The following CAPN15 variants were observed in gnomAD, a reference collection of about 807,000 sequenced individuals.
The protein encoded by CAPN15 is calpain 15.
In CAPN15, 53 loss-of-function variants were observed where a neutral mutation model predicts 97.9. The observed-to-expected ratio is 0.54, with a 90% CI of 0.43 to 0.68. The LOEUF is 0.68. Among genes scored for constraint, CAPN15 ranks in the 30% least tolerant of loss-of-function variants. The probability of loss-of-function intolerance (pLI) is 0.00; values close to 1 mark genes in which losing one functional copy is unlikely to be tolerated. For missense variants in CAPN15, 1,592 were observed against 1,589.8 expected, an observed-to-expected ratio of 1.00 and a Z score of -0.02; for synonymous variants, 922 against 722.5, an observed-to-expected ratio of 1.28 and a Z score of -4.43.
Position 547,826 on chromosome 16 carries a change from C to T in CAPN15, c.988C>T (p.Arg330Cys), listed in dbSNP as rs770511000. ...DIIDLAGDTV[R>C]YTPASPSSPD... ...CATTGACCTGGCCGGAGACACCGTG[C>T]GTTACACGCCCGCCAGCCCCTCCAG... is the stretch of plus-strand genomic sequence containing the variant. The change falls in exon 4 of 14, where the codon CGT becomes TGT. Residue 330 changes from arginine (R) to cysteine (C), a missense_variant. By Grantham distance (180) the Arg-to-Cys change is radical. Transcript: ENST00000219611. The T allele has an allele frequency of 9.3e-6, 15 of 1,610,636 alleles. No homozygotes were observed. Among genetic ancestry groups the T allele is most frequent in the East Asian group, 2.2e-5 (1 of 44,738 alleles).
At chr16:546,028 C>T (rs528420761) in intron 3 of CAPN15, among the ~76,000 whole-genome samples, 9 of 152,358 alleles carry the variant, frequency 5.9e-5, no homozygotes, top group East Asian at 1.9e-4. Context: ...AGCAGATTCC[C>T]GGCCTTGGGT....
Position 552,976 on chromosome 16 carries a change from C to T in CAPN15, c.3018C>T (p.Asp1006=), listed in dbSNP as rs764981183. 2.9e-5 allele frequency: 46 copies of T among 1,611,688 alleles called. No individual in the cohort carries two copies. The South Asian group carries it at 3.7e-4, about 13-fold the overall frequency. Residue 1006 remains aspartate (D), a synonymous_variant, in exon 13 of 14, where the codon GAC becomes GAT. Transcript: ENST00000219611. This position sits in a 1 kb window ranked among gnomAD's most constrained non-coding sequence, Gnocchi z 6.4. ...AYLHVQCDCT[D]SFNVVSTRGS... ...TGCACGTGCAGTGTGACTGCACCGA[C>T]AGCTTCAACGTGGTGTCCACACGCG...
Position 537,251 on chromosome 16 carries a change from C to T in CAPN15, c.-23+1109C>T, listed in dbSNP as rs1261226188. ...CAGGGTCAGTTGCCTGAGACTGGCT[C>T]CAGCTCAAGAAAGGTTTTCTGAGTG... is the stretch of plus-strand genomic sequence containing the variant. On this transcript the variant is annotated intron_variant, in intron 3 of 13. Coordinates refer to ENST00000219611, the MANE Select transcript of CAPN15 (RefSeq NM_005632.3). 5 of 985,432 alleles carry T rather than the reference C, an allele frequency of 5.1e-6. No homozygotes were observed. The East Asian group carries it at 3.4e-4, about 67-fold the overall frequency. The allele number at this position is 985,432 out of a possible 1,614,324, so 61.0% of individuals were successfully genotyped here.
In CAPN15 at chr16:546,989, G is replaced by C. The variant is rs369295076; in HGVS notation, c.151G>C (p.Ala51Pro). 11 of 1,609,958 alleles carry C rather than the reference G, an allele frequency of 6.8e-6. No individual in the cohort carries two copies. The highest frequency in any genetic ancestry group is 9.3e-6 in the Non-Finnish European group (11 of 1,179,878). ...LSVEEQKWPCARCTFRNFLGK... is the reference protein window; with the variant it reads ...LSVEEQKWPCPRCTFRNFLGK... ...CGTGGAGGAGCAGAAATGGCCCTGC[G>C]CCCGCTGCACCTTCCGCAACTTCCT... Residue 51 changes from alanine (A) to proline (P), a missense_variant, in exon 4 of 14, where the codon GCC becomes CCC. By Grantham distance (27) the Ala-to-Pro change is conservative. Around this residue, in one of 3 missense-constraint regions of CAPN15, gnomAD observed 883 missense variants for 776.6 expected, o/e 1.14. Coordinates refer to ENST00000219611, the MANE Select transcript of CAPN15 (RefSeq NM_005632.3).
intron 3 of CAPN15, among the ~76,000 whole-genome samples, chr16:542,214 C>T (rs1295272587): frequency 6.6e-6 from 1 of 152,250 alleles, no homozygotes; most frequent in African/African-American, 2.4e-5. Context: ...GGACTGCTTC[C>T]ACGTGGCTTC....
At chr16:534,270 G>A (rs924583289) in intron 2 of CAPN15, among the ~76,000 whole-genome samples, 3 of 152,116 alleles carry the variant, frequency 2.0e-5, no homozygotes, top group Admixed American at 2.0e-4. Flanking sequence ...CCTGTGCTGT[G>A]GCCCCGGCCC....
chr16:537,058 T>C (rs2033785418), intron 3 of CAPN15: 1 of 838,510 alleles, frequency 1.2e-6, no homozygotes, highest in Non-Finnish European at 1.4e-6. Flanking sequence ...TGGCGTGTGC[T>C]GGAAAAACCC....
intron 7 of CAPN15, among the ~76,000 whole-genome samples, chr16:550,104 C>T (rs1041406445): frequency 1.5e-5 from 2 of 131,682 alleles, no homozygotes; most frequent in African/African-American, 4.5e-5. Context: ...CAGGTGTGAG[C>T]GGCGTGTCGA....
chr16:544,307 T>C (rs986183986), intron 3 of CAPN15, among the ~76,000 whole-genome samples: 4 of 151,252 alleles, frequency 2.6e-5, no homozygotes, highest in African/African-American at 9.7e-5. Context: ...TGGGCACAGG[T>C]TGCGGGGCTG....
At position 552,131 on chromosome 16, in the gene CAPN15, C is replaced by T. The variant is rs1263805214; in HGVS notation, c.2426C>T (p.Ala809Val). The T allele has an allele frequency of 1.9e-6, 3 of 1,548,020 alleles. No homozygotes were observed. Among genetic ancestry groups the T allele is most frequent in the Admixed American group, 2.0e-5 (1 of 50,916 alleles). The change falls in exon 10 of 14, where the codon GCC becomes GTC. Residue 809 changes from alanine to valine, a missense_variant. Coordinates refer to ENST00000219611, the MANE Select transcript of CAPN15 (RefSeq NM_005632.3). This position sits in a 1 kb window ranked among gnomAD's most constrained non-coding sequence, Gnocchi z 6.4. Reference protein sequence around the residue: ...ARVQGCFPSSASAPVGVTALT... With the variant: ...ARVQGCFPSSVSAPVGVTALT... ...GTGCAGGGCTGCTTTCCCAGCTCGG[C>T]CAGCGCGCCCGTGGGGGTAACAGCG...
rs763735435 is a variant in CAPN15, at chr16:549,053, G to A, written c.1510G>A (p.Ala504Thr). The A allele has an allele frequency of 1.5e-5, 24 of 1,612,606 alleles. No individual in the cohort carries two copies. Among genetic ancestry groups the A allele is most frequent in the South Asian group, 9.9e-5 (9 of 91,096 alleles). The stretch of plus-strand genomic sequence containing the variant: ...CGGGCCCGAGTCTGTCGGCTTCCCC[G>A]CGGGTGACAGCGTGCAGCAGCGTGT... Reference protein sequence around the residue: ...PPGPESVGFPAGDSVQQRVRQ... With the variant: ...PPGPESVGFPTGDSVQQRVRQ... The change falls in exon 5 of 14, where the codon GCG becomes ACG. Residue 504 changes from alanine (A) to threonine (T), a missense_variant. Around this residue, in one of 3 missense-constraint regions of CAPN15, gnomAD observed 883 missense variants for 776.6 expected, o/e 1.14. Transcript: ENST00000219611.
chr16:544,766 CCTCCCCCACGTCGT>C (rs1184781158), intron 3 of CAPN15, among the ~76,000 whole-genome samples: 40 of 50,770 alleles, frequency 7.9e-4, no homozygotes, highest in East Asian at 4.8e-3. Context: ...CCCCACGTCG[CCTCCCCCACGTCGT>C]CTCCCCCACG....
rs1021582128 is a variant in CAPN15, at chr16:540,164, T to C, written c.-23+4022T>C. ...GGCCAGAGGTGACCAGGTCCGGCTC[T>C]CAGCACGGCCGCCGGCCGGGGGGCC... On this transcript the variant is annotated intron_variant, in intron 3 of 13. Coordinates refer to ENST00000219611, the MANE Select transcript of CAPN15 (RefSeq NM_005632.3). The C allele has an allele frequency of 2.1e-5, 21 of 985,270 alleles. 1 individual carries two copies. In the South Asian group the frequency reaches 3.8e-4, roughly 18 times the overall value. The allele number at this position is 985,270 out of a possible 1,614,324, so 61.0% of individuals were successfully genotyped here.
chr16:532,953 G>C (rs1251485861), intron 1 of CAPN15, among the ~76,000 whole-genome samples: 4 of 152,010 alleles, frequency 2.6e-5, no homozygotes, highest in African/African-American at 9.7e-5. Context: ...GGGCATGGTG[G>C]CTCATGCCTG....
chr16:528,732 C>G (rs950140764), intron 1 of CAPN15: 2 of 985,300 alleles, frequency 2.0e-6, no homozygotes, highest in Non-Finnish European at 2.4e-6. Context: ...TAACAAGACC[C>G]GGAAAGCAAT....
At chr16:540,890 C>T (rs188007000) in intron 3 of CAPN15, among the ~76,000 whole-genome samples, 3 of 152,346 alleles carry the variant, frequency 2.0e-5, no homozygotes, top group African/African-American at 4.8e-5. Context: ...GGTCTGGAGG[C>T]AGTCCAGGTG....
At chr16:529,493 C>T (rs536867073) in intron 1 of CAPN15, among the ~76,000 whole-genome samples, 112 of 152,284 alleles carry the variant, frequency 7.4e-4, no homozygotes, top group African/African-American at 2.5e-3. Context: ...GGAGGCTGAG[C>T]GCCTGGTCTC....
chr16:535,469 C>T lies in CAPN15; in HGVS notation c.-136-560C>T, dbSNP rs2033636892. 1 of 154,230 alleles carries T rather than the reference C, an allele frequency of 6.5e-6. No individual in the cohort carries two copies. The highest frequency in any genetic ancestry group is 2.0e-4 in the South Asian group (1 of 4,920). The allele number at this position is 154,230 out of a possible 1,614,324, so 9.6% of individuals were successfully genotyped here. On this transcript the variant is annotated intron_variant, in intron 2 of 13. Transcript: ENST00000219611. This position sits in a 1 kb window ranked among gnomAD's most constrained non-coding sequence, Gnocchi z 6.2. ...CAGGGACCGGCCAGTTGGCCCTGCT[C>T]ATTAACCACTTGTCCCCACAGGGCA...
rs201557192 is a variant in CAPN15 at position 549,246 on chromosome 16, C to G, written c.1659-42C>G. 5.0e-4 allele frequency: 775 copies of G among 1,541,740 alleles called. 3 individuals are homozygous for G. Among genetic ancestry groups the G allele is most frequent in the Non-Finnish European group, 6.3e-4 (718 of 1,148,182 alleles). On this transcript the variant is annotated intron_variant, in intron 5 of 13. Transcript: ENST00000219611. The stretch of plus-strand genomic sequence containing the variant: ...CGGGGTGGGGCGGGTGGGCGGGCGA[C>G]CGGCCGCGGTCCCCGCGAGGTCACC...
Sources: allele counts gnomAD v4.1 joint callset (sites outside exome capture counted in the v4.1 genomes callset), GRCh38; gene constraint gnomAD v4.1.1; regional missense constraint gnomAD v4.1.1; non-coding constraint Gnocchi (gnomAD v3.1); transcripts MANE v1.5; gene names NCBI Gene and HGNC (gene_info 2026-07-23, HGNC 2026-07-21).